Variants in PRKAR1A observed in about 807,000 individuals in gnomAD.
PRKAR1A encodes the protein protein kinase cAMP-dependent type I regulatory subunit alpha.
In PRKAR1A, 3 loss-of-function variants were observed where a neutral mutation model predicts 52.0. The ratio of observed to expected loss-of-function variants is 0.06; its 90% confidence interval spans 0.03 to 0.15. The LOEUF (loss-of-function observed/expected upper bound fraction) is 0.15. Ranked by LOEUF, PRKAR1A falls within the 10% of genes least tolerant of loss-of-function variation. The pLI is 1.00. For synonymous variants in PRKAR1A, 188 were observed against 168.4 expected, an observed-to-expected ratio of 1.12 and a Z score of -0.90; for missense variants, 240 against 477.4, an observed-to-expected ratio of 0.50 and a Z score of 4.63.
chr17:68,441,403 AGACAATTAGAC>A, the PRKAR1A span, among the ~76,000 whole-genome samples: 3 of 152,250 alleles, frequency 2.0e-5, no homozygotes, highest in African/African-American at 7.2e-5. Flanking sequence ...TGTGTGCTGA[AGACAATTAGAC>A]GAGTGATTGT....
chr17:68,477,662 G>T, the PRKAR1A span, among the ~76,000 whole-genome samples: 1 of 148,758 alleles, frequency 6.7e-6, no homozygotes, highest in African/African-American at 2.5e-5. Flanking sequence ...TTTCTCCTAT[G>T]TTCGATCTAA....
the PRKAR1A span, chr17:68,425,800 G>T: frequency 2.8e-6 from 1 of 360,168 alleles, no homozygotes; most frequent in Middle Eastern, 8.0e-4. Flanking sequence ...GTAAGGGATC[G>T]CAGGCCTCTG....
At chr17:68,463,724 G>T in the PRKAR1A span, among the ~76,000 whole-genome samples, 34 of 152,274 alleles carry the variant, frequency 2.2e-4, no homozygotes, top group African/African-American at 8.2e-4. Context: ...GCAGTCATAT[G>T]GGAAAAAGCT....
chr17:68,538,369 G>A (rs72847801), downstream of PRKAR1A, among the ~76,000 whole-genome samples: 22,348 of 152,252 alleles, frequency 0.15, 1,699 homozygotes, highest in South Asian at 0.2. Context: ...AGGGAAGCAT[G>A]TTTAAATTAA....
chr17:68,524,363 A>C (rs181544297), intron 5 of PRKAR1A, among the ~76,000 whole-genome samples: 149 of 152,290 alleles, frequency 9.8e-4, no homozygotes, highest in Non-Finnish European at 1.9e-3. Flanking sequence ...AATCATATAT[A>C]TCTCTCATGT....
rs151121518 is a variant in PRKAR1A, at chr17:68,550,277, G to C, written c.974-807G>C. Among the ~76,000 whole-genome samples, 11 of 148,940 alleles carry C rather than the reference G, an allele frequency of 7.4e-5. No individual in the cohort carries two copies. The East Asian group carries it at 2.2e-3, about 30-fold the overall frequency. On this transcript the variant is annotated intron_variant, in intron 11 of 11. Coordinates refer to the PRKAR1A transcript ENST00000585981. ...TTTAAAATCAATATAAATATAAGCA[G>C]ACATTCAATTGTCTCATGTACATTT...
chr17:68,510,168 A>AGAGATT (rs2085245387), upstream of PRKAR1A, among the ~76,000 whole-genome samples: 4 of 150,236 alleles, frequency 2.7e-5, 1 homozygote, highest in Admixed American at 2.7e-4. Flanking sequence ...ACAGAGAGAG[A>AGAGATT]GAGAGAGAGA....
At chr17:68,454,003 CAT>C in the PRKAR1A span, among the ~76,000 whole-genome samples, 1 of 152,186 alleles carries the variant, frequency 6.6e-6, no homozygotes, top group Non-Finnish European at 1.5e-5. Flanking sequence ...ACAAAGCAAT[CAT>C]CACAACCAAC....
chr17:68,436,993 C>CAAA, the PRKAR1A span, among the ~76,000 whole-genome samples: 1 of 124,770 alleles, frequency 8.0e-6, no homozygotes, highest in African/African-American at 2.8e-5. Context: ...GACCCCGTCT[C>CAAA]AAAAAAAAAA....
the PRKAR1A span, chr17:68,420,711 C>T: frequency 1.9e-6 from 1 of 513,278 alleles, no homozygotes; most frequent in Non-Finnish European, 3.4e-6. Flanking sequence ...GAGTCAGGCA[C>T]AGGTGCCAGC....
At chr17:68,528,710 C>T in intron 8 of PRKAR1A, 160 bp from the exon 9 acceptor site, 4 of 922,914 alleles carry the variant, frequency 4.3e-6, no homozygotes, top group Non-Finnish European at 6.7e-6. Flanking sequence ...GAATCCTGCT[C>T]AGACTAGAGG....
chr17:68,521,842 A>G (rs1001538675), intron 2 of PRKAR1A, among the ~76,000 whole-genome samples: 14 of 152,364 alleles, frequency 9.2e-5, no homozygotes, highest in Admixed American at 2.0e-4. Flanking sequence ...TGAATGAGAA[A>G]GTAGAAGATA....
chr17:68,420,777 G>T, the PRKAR1A span: 1 of 346,056 alleles, frequency 2.9e-6, no homozygotes, highest in Non-Finnish European at 5.3e-6. Flanking sequence ...GATTTTGAGG[G>T]TTAAATAAAG....
At chr17:68,548,156 A>G (rs2086654207) in intron 11 of PRKAR1A, among the ~76,000 whole-genome samples, 1 of 152,190 alleles carries the variant, frequency 6.6e-6, no homozygotes, top group South Asian at 2.1e-4. Flanking sequence ...GCACTTTGGA[A>G]GGCCAAGGTT....
chr17:68,444,056 CAT>C, the PRKAR1A span, among the ~76,000 whole-genome samples: 1 of 152,152 alleles, frequency 6.6e-6, no homozygotes, highest in Non-Finnish European at 1.5e-5. Flanking sequence ...TGTAATAAAA[CAT>C]ATTCTTTATG....
chr17:68,520,693 CAGATT>C (rs1375912863), intron 2 of PRKAR1A, among the ~76,000 whole-genome samples: 1 of 152,150 alleles, frequency 6.6e-6, no homozygotes, highest in East Asian at 1.9e-4. Context: ...TCTGAGTTGT[CAGATT>C]AGGTTATATT....
chr17:68,524,924 A>G lies in PRKAR1A; in HGVS notation c.515A>G (p.Asp172Gly). ...ETVIQQGDEG[D>G]NFYVIDQGET... ...TACCCTCTTTTAGGTGATGAAGGGGATAACTTCTATGTGATTGATCAAGGA... is the reference window on the plus strand; with the variant it reads ...TACCCTCTTTTAGGTGATGAAGGGGGTAACTTCTATGTGATTGATCAAGGA... The change falls in exon 6 of 11, where the codon GAT becomes GGT. Residue 172 changes from aspartate (D) to glycine (G), a missense_variant. Transcript: ENST00000589228. 1 of 1,609,326 alleles carries G rather than the reference A, an allele frequency of 6.2e-7. No homozygotes were observed. The highest frequency in any genetic ancestry group is 8.5e-7 in the Non-Finnish European group (1 of 1,175,906).
At chr17:68,489,423 G>A in the PRKAR1A span, among the ~76,000 whole-genome samples, 1 of 80,196 alleles carries the variant, frequency 1.2e-5, no homozygotes, top group Non-Finnish European at 2.4e-5. Context: ...TATATGGAAA[G>A]TATATATATA....
the PRKAR1A span, among the ~76,000 whole-genome samples, chr17:68,434,208 G>A: frequency 6.6e-6 from 1 of 152,152 alleles, no homozygotes; most frequent in African/African-American, 2.4e-5. Flanking sequence ...CATCCGATAA[G>A]ATCCCAAACA....
Sources: allele counts gnomAD v4.1 joint callset (sites outside exome capture counted in the v4.1 genomes callset), GRCh38; gene constraint gnomAD v4.1.1; transcripts MANE v1.5; gene names NCBI Gene and HGNC (gene_info 2026-07-23, HGNC 2026-07-21).